The following CNTN5 variants were observed in gnomAD, a reference collection of about 807,000 sequenced individuals.
The protein encoded by CNTN5 is contactin 5.
CNTN5 carries 77 observed loss-of-function variants against 129.1 expected under a neutral mutation model. The ratio of observed to expected loss-of-function variants is 0.60; its 90% confidence interval spans 0.50 to 0.72. CNTN5 has a LOEUF of 0.72. CNTN5 is among the 30% of genes least tolerant of loss of function. The probability of loss-of-function intolerance (pLI) is 0.00; values close to 1 mark genes in which losing one functional copy is unlikely to be tolerated. For synonymous variants in CNTN5, 509 were observed against 465.6 expected (o/e 1.09, Z -1.20); for missense variants, 1,478 against 1,328.8 (o/e 1.11, Z -1.75).
intron 9 of CNTN5, among the ~76,000 whole-genome samples, chr11:100,057,036 G>T (rs1251082858): frequency 6.6e-6 from 1 of 151,414 alleles, no homozygotes; most frequent in East Asian, 1.9e-4. Context: ...CCTGAAAGTA[G>T]AAAGTGTATA....
At chr11:99,138,209 ATAGGTGT>A (rs1379422521) in intron 1 of CNTN5, among the ~76,000 whole-genome samples, 1 of 152,152 alleles carries the variant, frequency 6.6e-6, no homozygotes, top group Non-Finnish European at 1.5e-5. Flanking sequence ...ATCCAACATG[ATAGGTGT>A]TAGGTGTTTC....
At chr11:100,184,245 A>C (rs10894584) in intron 13 of CNTN5, among the ~76,000 whole-genome samples, 44,213 of 151,994 alleles carry the variant, frequency 0.29, 6,975 homozygotes, top group East Asian at 0.57. Context: ...TGTAATCAAT[A>C]CTTTTAAAGA....
At chr11:99,790,537 G>A (rs762843996) in intron 3 of CNTN5, among the ~76,000 whole-genome samples, 33 of 152,032 alleles carry the variant, frequency 2.2e-4, no homozygotes, top group African/African-American at 1.4e-4. Context: ...GTTCTATAGC[G>A]TGTGTGTATC....
intron 1 of CNTN5, among the ~76,000 whole-genome samples, chr11:99,052,597 G>T (rs1029247456): frequency 6.6e-6 from 1 of 151,832 alleles, no homozygotes; most frequent in African/African-American, 2.4e-5. Flanking sequence ...CTATCATTTC[G>T]TGAAACATGA....
rs141815677 is a variant in CNTN5 at position 99,551,999 on chromosome 11, C to A, written c.-70-4146C>A. Among the ~76,000 whole-genome samples the A allele has an allele frequency of 4.0e-3, 605 of 151,480 alleles. 27 individuals are homozygous for A. In the East Asian group the frequency reaches 0.1, roughly 25 times the overall value. Reference sequence around the variant, plus strand: ...CTTGGCTCACTGCAACCTCTGTCTCCCTGGTTCAAGTGATTCTCATGTCTC... The same window carrying A: ...CTTGGCTCACTGCAACCTCTGTCTCACTGGTTCAAGTGATTCTCATGTCTC... On this transcript the variant is annotated intron_variant, in intron 2 of 24. Transcript: ENST00000524871.
intron 3 of CNTN5, among the ~76,000 whole-genome samples, chr11:99,748,692 T>C (rs777290709): frequency 1.9e-4 from 29 of 152,192 alleles, no homozygotes; most frequent in Non-Finnish European, 3.5e-4. Context: ...CCTGGAACAA[T>C]TATATTCGAG....
intron 3 of CNTN5, among the ~76,000 whole-genome samples, chr11:99,717,597 AT>A (rs1042012638): frequency 6.6e-6 from 1 of 152,086 alleles, no homozygotes; most frequent in Admixed American, 6.6e-5. Context: ...CGAATCAAGC[AT>A]TTTTTAATCA....
intron 1 of CNTN5, among the ~76,000 whole-genome samples, chr11:99,113,092 T>C (rs1474648700): frequency 6.6e-6 from 1 of 152,080 alleles, no homozygotes; most frequent in African/African-American, 2.4e-5. Context: ...TTAACTAAAA[T>C]ATAATCTACG....
chr11:99,861,052 T>C (rs1415767127), intron 6 of CNTN5, among the ~76,000 whole-genome samples: 5 of 146,322 alleles, frequency 3.4e-5, no homozygotes, highest in African/African-American at 1.3e-4. Context: ...GCCTCCCAGG[T>C]TCACGCCATT....
intron 18 of CNTN5, among the ~76,000 whole-genome samples, chr11:100,292,635 C>G (rs578246470): frequency 6.6e-6 from 1 of 151,794 alleles, no homozygotes; most frequent in African/African-American, 2.4e-5. Context: ...AAATAATATC[C>G]CCACTTCTCT....
intron 1 of CNTN5, among the ~76,000 whole-genome samples, chr11:99,118,351 T>C (rs1224046077): frequency 1.3e-5 from 2 of 152,184 alleles, no homozygotes; most frequent in African/African-American, 2.4e-5. Flanking sequence ...ATCTTTTATC[T>C]ACTTAGTATT....
At chr11:99,841,607 C>G (rs978780216) in intron 4 of CNTN5, among the ~76,000 whole-genome samples, 1 of 149,398 alleles carries the variant, frequency 6.7e-6, no homozygotes, top group Non-Finnish European at 1.5e-5. Flanking sequence ...AAAGAAGCAG[C>G]AGAAGCAGCA....
chr11:100,292,860 A>T (rs1475527011), intron 18 of CNTN5, among the ~76,000 whole-genome samples: 3 of 151,950 alleles, frequency 2.0e-5, no homozygotes, highest in African/African-American at 4.8e-5. Context: ...ACTCATTCCA[A>T]GTTCAGAAAA....
intron 21 of CNTN5, among the ~76,000 whole-genome samples, chr11:100,330,657 T>C (rs915126369): frequency 6.7e-6 from 1 of 149,494 alleles, no homozygotes; most frequent in South Asian, 2.1e-4. Context: ...CTAGAAGGAA[T>C]TGGAGTCTTA....
chr11:99,805,224 G>A (rs1165491592), intron 3 of CNTN5, among the ~76,000 whole-genome samples: 1 of 152,092 alleles, frequency 6.6e-6, no homozygotes, highest in East Asian at 1.9e-4. Flanking sequence ...CAAAAATTAG[G>A]AAAACATAGT....
At chr11:99,029,959 GAGA>G (rs1591069072) in intron 1 of CNTN5, among the ~76,000 whole-genome samples, 1 of 152,102 alleles carries the variant, frequency 6.6e-6, no homozygotes, top group African/African-American at 2.4e-5. Flanking sequence ...TTTTGACAAA[GAGA>G]AGAATGGAAT....
At chr11:100,278,580 A>G (rs2138809290) in intron 18 of CNTN5, among the ~76,000 whole-genome samples, 1 of 152,040 alleles carries the variant, frequency 6.6e-6, no homozygotes, top group African/African-American at 2.4e-5. Context: ...TAAATAAGAT[A>G]AGTTTCTTGA....
At chr11:99,284,881 C>A (rs1398050456) in intron 1 of CNTN5, among the ~76,000 whole-genome samples, 2 of 151,918 alleles carry the variant, frequency 1.3e-5, no homozygotes, top group Non-Finnish European at 2.9e-5. Flanking sequence ...AAAGAATGAG[C>A]ATTTCTTGGA....
intron 13 of CNTN5, among the ~76,000 whole-genome samples, chr11:100,148,456 C>T (rs1946931306): frequency 6.6e-6 from 1 of 152,172 alleles, no homozygotes; most frequent in Admixed American, 6.5e-5. Context: ...CAAGCTTTAA[C>T]AATATATCTC....
Sources: gnomAD v4.1 joint callset for allele counts (sites outside exome capture counted in the v4.1 genomes callset) on GRCh38, gnomAD v4.1.1 for gene constraint, MANE v1.5 for transcripts, NCBI Gene and HGNC (gene_info 2026-07-23, HGNC 2026-07-21) for gene names.